DOP1B: variants seen among roughly 807,000 people sequenced by gnomAD.
The protein encoded by DOP1B is protein DOP1B.
Under a neutral mutation model 233.5 loss-of-function variants are expected in DOP1B, and 174 were observed. That is an observed-to-expected ratio of 0.75 (90% CI 0.66 to 0.85). The LOEUF (loss-of-function observed/expected upper bound fraction) is 0.85. Among genes scored for constraint, DOP1B ranks in the 40% least tolerant of loss-of-function variants. The probability of loss-of-function intolerance (pLI) is 0.00; values close to 1 mark genes in which losing one functional copy is unlikely to be tolerated. For synonymous variants in DOP1B, 1,190 were observed against 1,185.6 expected (o/e 1.00, Z -0.08); for missense variants, 2,652 against 2,846.6 (o/e 0.93, Z 1.56).
rs2066760451 is a variant in DOP1B, at chr21:36,231,142, G to A, written c.2350+8G>A. On this transcript the variant is annotated splice_region_variant and intron_variant, in intron 14 of 36. Coordinates refer to ENST00000691173, the MANE Select transcript of DOP1B (RefSeq NM_001320714.2). ...CGCTCTTCCAGCTGCCAGGTGAGAGGCAGCCCTGCCGAAGTCCCTCTTTGG... is the reference window on the plus strand; with the variant it reads ...CGCTCTTCCAGCTGCCAGGTGAGAGACAGCCCTGCCGAAGTCCCTCTTTGG... 1 of 1,567,420 alleles carries A rather than the reference G, an allele frequency of 6.4e-7. No homozygotes were observed. Among genetic ancestry groups the A allele is most frequent in the African/African-American group, 1.4e-5 (1 of 73,916 alleles).
intron 12 of DOP1B, among the ~76,000 whole-genome samples, chr21:36,227,022 G>A (rs899188268): frequency 4.6e-5 from 7 of 151,646 alleles, no homozygotes; most frequent in East Asian, 3.9e-4. Context: ...TGGCTAACAC[G>A]GTGAAACCCC....
At chr21:36,162,000 G>A (rs570589163) in intron 1 of DOP1B, among the ~76,000 whole-genome samples, 1 of 152,192 alleles carries the variant, frequency 6.6e-6, no homozygotes, top group African/African-American at 2.4e-5. Context: ...ATGGATGCTT[G>A]TCTTAGTTAA....
chr21:36,158,064 G>A (rs577711230), intron 1 of DOP1B, among the ~76,000 whole-genome samples: 5 of 152,124 alleles, frequency 3.3e-5, no homozygotes, highest in Admixed American at 2.0e-4. Flanking sequence ...CTCTTAAAGT[G>A]CTGGGATTAC....
chr21:36,161,149 T>G (rs961648065), intron 1 of DOP1B, among the ~76,000 whole-genome samples: 1 of 151,662 alleles, frequency 6.6e-6, no homozygotes, highest in Non-Finnish European at 1.5e-5. Context: ...TGTGTGTGTG[T>G]TTTGTTTTTT....
chr21:36,214,530 T>C lies in DOP1B; in HGVS notation c.1103T>C (p.Ile368Thr), dbSNP rs1396833629. 21 of 1,613,922 alleles carry C rather than the reference T, an allele frequency of 1.3e-5. No individual in the cohort carries two copies. Among genetic ancestry groups the C allele is most frequent in the African/African-American group, 2.7e-5 (2 of 74,896 alleles). Residue 368 changes from isoleucine to threonine, a missense_variant, in exon 9 of 37, where the codon ATC becomes ACC. Ile to Thr is a moderately conservative substitution (Grantham distance 89, BLOSUM62 -1). Around this residue, in one of 3 missense-constraint regions of DOP1B, gnomAD observed 2,617 missense variants for 2,794.3 expected, o/e 0.94. Transcript: ENST00000691173. Reference protein sequence around the residue: ...HAYLKPFRVLISLLDKPEIGP... With the variant: ...HAYLKPFRVLTSLLDKPEIGP... ...TACCTGAAGCCTTTTCGCGTCCTCA[T>C]CAGTCTGCTTGACAAGCCAGAAATA...
chr21:36,202,798 C>T (rs768844428), intron 4 of DOP1B, among the ~76,000 whole-genome samples: 3 of 152,128 alleles, frequency 2.0e-5, no homozygotes, highest in Admixed American at 6.6e-5. Flanking sequence ...GGCTGGTACA[C>T]GGTGAGACTC....
intron 27 of DOP1B, 125 bp from the exon 28 acceptor site, chr21:36,276,896 T>A (rs2067355857): frequency 5.2e-6 from 4 of 770,032 alleles, no homozygotes; most frequent in East Asian, 2.7e-5. Flanking sequence ...AATACCTGAG[T>A]CATATGGACA....
rs370139890 is a variant in DOP1B at position 36,253,796 on chromosome 21, C to T, written c.5146C>T (p.Gln1716Ter). The T allele has an allele frequency of 4.5e-5, 72 of 1,613,484 alleles. No individual in the cohort carries two copies. The highest frequency in any genetic ancestry group is 5.9e-5 in the Non-Finnish European group (70 of 1,179,798). Reference sequence around the variant, plus strand: ...GATTATCCCAACGGCAAGTGCATCCCAGCTAACCCTTGTCGACTTGGTGTG... The same window carrying T: ...GATTATCCCAACGGCAAGTGCATCCTAGCTAACCCTTGTCGACTTGGTGTG... ...MKIIPTASAS[Q>*]LTLVDLVCAL... Residue 1716 changes from glutamine (Q) to a stop codon, truncating the protein, a stop_gained, in exon 23 of 37, where the codon CAG (glutamine) becomes TAG (stop). Coordinates refer to ENST00000691173, the MANE Select transcript of DOP1B (RefSeq NM_001320714.2). LOFTEE classifies it high-confidence loss of function.
intron 27 of DOP1B, among the ~76,000 whole-genome samples, chr21:36,271,859 G>A (rs1004914347): frequency 3.3e-5 from 5 of 152,086 alleles, no homozygotes; most frequent in African/African-American, 9.7e-5. Flanking sequence ...CAAGCTGGGA[G>A]GGTTGGCTCA....
rs1362282683 is a variant in DOP1B at position 36,239,848 on chromosome 21, TCTCC to T, written c.2964_2967del (p.Leu989GlyfsTer67). 6.3e-7 allele frequency: 1 copy of T among 1,586,602 alleles called. No homozygotes were observed. Among genetic ancestry groups the T allele is most frequent in the Non-Finnish European group, 8.6e-7 (1 of 1,168,108 alleles). Reference sequence around the variant, plus strand: ...GCCCAGGGCTGGCTGGTGCGTGCGCTCTCCCTCGGGGACGTGGCTCGCATCCTCG... The same window carrying T: ...GCCCAGGGCTGGCTGGTGCGTGCGCTCTCGGGGACGTGGCTCGCATCCTCG... On this transcript the variant is annotated frameshift_variant, in exon 18 of 37. Transcript: ENST00000691173. LOFTEE classifies it high-confidence loss of function.
At chr21:36,236,889 A>G (rs796725265) in intron 15 of DOP1B, among the ~76,000 whole-genome samples, 15 of 146,060 alleles carry the variant, frequency 1.0e-4, no homozygotes, top group African/African-American at 3.6e-4. Context: ...GATTCAAGTG[A>G]TTCTCCTGCC....
At position 36,239,670 on chromosome 21, in the gene DOP1B, C is replaced by A; in HGVS notation, c.2877-95C>A. 3 of 1,363,918 alleles carry A rather than the reference C, an allele frequency of 2.2e-6. No individual in the cohort carries two copies. In the South Asian group the frequency reaches 4.6e-5, roughly 21 times the overall value. 84.5% of individuals were successfully genotyped at this position (1,363,918 alleles called of 1,614,324 possible). A position where few individuals can be genotyped will look rare whatever the true frequency, so the allele number is the denominator to read the frequency against. ...AGCTTGGGTGGAGGTCCTAGGGTAC[C>A]TGTGTTGGGTGACGCCCTATGCCCA... is the stretch of plus-strand genomic sequence containing the variant. On this transcript the variant is annotated intron_variant, in intron 17 of 36. Coordinates refer to ENST00000691173, the MANE Select transcript of DOP1B (RefSeq NM_001320714.2).
Position 36,245,166 on chromosome 21 carries a change from G to A in DOP1B, c.3186G>A (p.Val1062=). 6.2e-7 allele frequency: 1 copy of A among 1,614,044 alleles called. No homozygotes were observed. Among genetic ancestry groups the A allele is most frequent in the East Asian group, 2.2e-5 (1 of 44,888 alleles). Reference sequence around the variant, plus strand: ...TGCCTCTGAGCCAGTTCACCACAGTGGACCGTGAAGCCATTTGGGCCGAAG... The same window carrying A: ...TGCCTCTGAGCCAGTTCACCACAGTAGACCGTGAAGCCATTTGGGCCGAAG... The part of the protein sequence containing the change: ...EHLPLSQFTT[V]DREAIWAEVE... The change falls in exon 19 of 37, where the codon GTG becomes GTA. Residue 1062 remains valine, a synonymous_variant. Transcript: ENST00000691173. This position sits in a 1 kb window ranked among gnomAD's most constrained non-coding sequence, Gnocchi z 5.5.
chr21:36,220,207 G>C (rs2066609524), intron 10 of DOP1B, among the ~76,000 whole-genome samples: 2 of 152,124 alleles, frequency 1.3e-5, no homozygotes, highest in African/African-American at 4.8e-5. Flanking sequence ...TTTCTGGTTT[G>C]TTAGTTGTAA....
At position 36,293,652 on chromosome 21, in the gene DOP1B, A is replaced by G; in HGVS notation, c.*81A>G. 1.4e-6 allele frequency: 2 copies of G among 1,469,434 alleles called. No homozygotes were observed. The highest frequency in any genetic ancestry group is 1.9e-6 in the Non-Finnish European group (2 of 1,071,406). 91.0% of individuals were successfully genotyped at this position (1,469,434 alleles called of 1,614,324 possible). The stretch of plus-strand genomic sequence containing the variant: ...TTATATTCTAAAGAAGAAAGAAGGC[A>G]GGATAGTGCTTTTGAACAAGCCTAT... On this transcript the variant is annotated 3_prime_UTR_variant, in exon 37 of 37. Coordinates refer to ENST00000691173, the MANE Select transcript of DOP1B (RefSeq NM_001320714.2).
Position 36,245,820 on chromosome 21 carries a change from C to T in DOP1B, c.3840C>T (p.Asn1280=), listed in dbSNP as rs1325336211. ...SSTAHLNLIS[N]LLARHQEALI... ...CCGCGCACCTCAACCTCATCTCCAA[C>T]CTCCTCGCTCGCCACCAGGAGGCCC... Residue 1280 remains asparagine, a synonymous_variant, in exon 19 of 37, where the codon AAC becomes AAT. Transcript: ENST00000691173. This position sits in a 1 kb window ranked among gnomAD's most constrained non-coding sequence, Gnocchi z 5.5. 2 of 1,613,834 alleles carry T rather than the reference C, an allele frequency of 1.2e-6. No homozygotes were observed. The highest frequency in any genetic ancestry group is 2.7e-5 in the African/African-American group (2 of 74,890).
intron 2 of DOP1B, among the ~76,000 whole-genome samples, chr21:36,197,738 A>G (rs991228049): frequency 1.3e-5 from 2 of 152,208 alleles, no homozygotes; most frequent in African/African-American, 4.8e-5. Flanking sequence ...GGCCAGATGC[A>G]GTGGCTCACG....
At chr21:36,187,808 T>C (rs1029513143) in intron 2 of DOP1B, among the ~76,000 whole-genome samples, 7 of 151,674 alleles carry the variant, frequency 4.6e-5, no homozygotes, top group Non-Finnish European at 8.8e-5. Context: ...GGTTTTGCCA[T>C]GTTGCTGGTC....
Position 36,233,020 on chromosome 21 carries a change from C to G in DOP1B, c.2567C>G (p.Pro856Arg). 6.2e-7 allele frequency: 1 copy of G among 1,614,110 alleles called. No homozygotes were observed. Among genetic ancestry groups the G allele is most frequent in the South Asian group, 1.1e-5 (1 of 91,088 alleles). The change falls in exon 15 of 37, where the codon CCT becomes CGT. Residue 856 changes from proline (P) to arginine (R), a missense_variant. Coordinates refer to ENST00000691173, the MANE Select transcript of DOP1B (RefSeq NM_001320714.2). ...FFGKLQMVTV[P>R]PIAPGILKVI... The stretch of plus-strand genomic sequence containing the variant: ...GGCAAGCTGCAGATGGTGACGGTTC[C>G]TCCCATTGCTCCAGGGATATTGAAA...
Sources: gnomAD v4.1 joint callset for allele counts (sites outside exome capture counted in the v4.1 genomes callset) on GRCh38, gnomAD v4.1.1 for gene constraint, gnomAD v4.1.1 regional missense constraint, Gnocchi (gnomAD v3.1) non-coding constraint, MANE v1.5 for transcripts, NCBI Gene and HGNC (gene_info 2026-07-23, HGNC 2026-07-21) for gene names.